The following CREB1 variants were observed in gnomAD, a reference collection of about 807,000 sequenced individuals.
The protein encoded by CREB1 is cyclic AMP-responsive element-binding protein 1.
CREB1 carries 2 observed loss-of-function variants against 42.0 expected under a neutral mutation model. That is an observed-to-expected ratio of 0.05 (90% CI 0.02 to 0.15). CREB1 has a LOEUF of 0.15. Ranked by LOEUF, CREB1 falls within the 10% of genes least tolerant of loss-of-function variation. CREB1 has a pLI of 1.00. For synonymous variants in CREB1, 123 were observed against 139.9 expected, an observed-to-expected ratio of 0.88 and a Z score of 0.85; for missense variants, 199 against 388.9, an observed-to-expected ratio of 0.51 and a Z score of 4.11.
chr2:207,594,958 T>C (rs2085823172), intron 7 of CREB1, among the ~76,000 whole-genome samples: 1 of 151,854 alleles, frequency 6.6e-6, no homozygotes, highest in Non-Finnish European at 1.5e-5. Flanking sequence ...GGTTTTGATT[T>C]GCATTTCCCT....
At chr2:207,566,238 G>C (rs1377986024) in intron 3 of CREB1, among the ~76,000 whole-genome samples, 1 of 152,138 alleles carries the variant, frequency 6.6e-6, no homozygotes, top group East Asian at 1.9e-4. Context: ...TGGGAGAACT[G>C]TTAGGCTCAG....
chr2:207,581,970 G>A, intron 7 of CREB1: 2 of 701,862 alleles, frequency 2.8e-6, no homozygotes, highest in Non-Finnish European at 5.2e-6. Flanking sequence ...GAGATAATAG[G>A]TTTTGGGGAG....
chr2:207,574,255 T>C (rs982848341), intron 5 of CREB1, among the ~76,000 whole-genome samples: 1 of 152,228 alleles, frequency 6.6e-6, no homozygotes, highest in Admixed American at 6.5e-5. Flanking sequence ...ATGTTGACTT[T>C]CCTGCATTGT....
intron 1 of CREB1, among the ~76,000 whole-genome samples, chr2:207,530,865 C>G (rs184608248): frequency 4.0e-4 from 61 of 151,706 alleles, no homozygotes; most frequent in African/African-American, 1.3e-3. Context: ...CTTTCCCCCC[C>G]GCTCCTACAC....
chr2:207,561,308 C>G (rs1461630230), intron 3 of CREB1: 1 of 643,342 alleles, frequency 1.6e-6, no homozygotes, highest in Non-Finnish European at 2.7e-6. Flanking sequence ...CTAGGCCATA[C>G]TTGTTACCTC....
At chr2:207,561,263 A>T in intron 3 of CREB1, 1 of 1,014,356 alleles carries the variant, frequency 9.9e-7, no homozygotes. Context: ...ATGGAATTTC[A>T]ACACTTGAAC....
chr2:207,547,882 T>C (rs575499171), intron 1 of CREB1, among the ~76,000 whole-genome samples: 1 of 152,222 alleles, frequency 6.6e-6, no homozygotes, highest in African/African-American at 2.4e-5. Flanking sequence ...TAGTCACATA[T>C]TCTGAGATGG....
In CREB1 at chr2:207,554,578, G is replaced by T. The variant is rs2081641201; in HGVS notation, c.-8-1050G>T. On this transcript the variant is annotated intron_variant, in intron 1 of 7. Transcript: ENST00000353267. The stretch of plus-strand genomic sequence containing the variant: ...CAGGATTGCTTCCCCAGTTACCAGA[G>T]ATTTCTCTAACCTTGATTTACAGTA... Among the ~76,000 whole-genome samples, 6 of 152,226 alleles carry T rather than the reference G, an allele frequency of 3.9e-5. No homozygotes were observed. In the Middle Eastern group the frequency reaches 0.01, roughly 259 times the overall value.
intron 7 of CREB1, among the ~76,000 whole-genome samples, chr2:207,578,573 T>C (rs1032259838): frequency 1.3e-5 from 2 of 152,140 alleles, no homozygotes; most frequent in Admixed American, 6.5e-5. Flanking sequence ...AGTATTGTTG[T>C]AAGAGTCAAG....
chr2:207,576,130 A>C (rs753934726), intron 6 of CREB1, among the ~76,000 whole-genome samples: 1 of 151,636 alleles, frequency 6.6e-6, no homozygotes, highest in Non-Finnish European at 1.5e-5. Flanking sequence ...TTTTGTTTCA[A>C]ATGAAAACAT....
At position 207,600,238 on chromosome 2, in the gene CREB1, C is replaced by CATAT. The variant is rs71036937; in HGVS notation, c.*3202_*3205dup. The CATAT allele has an allele frequency of 0.031, 4,566 of 145,478 alleles. 93 individuals are homozygous for CATAT. Among genetic ancestry groups the CATAT allele is most frequent in the Middle Eastern group, 0.091 (28 of 308 alleles). The allele number at this position is 145,478 out of a possible 1,614,324, so 9.0% of individuals were successfully genotyped here. On this transcript the variant is annotated 3_prime_UTR_variant, in exon 8 of 8. Coordinates refer to ENST00000353267, the MANE Select transcript of CREB1 (RefSeq NM_004379.5). ...GTGGCATTTGTATAATATATGTGTA[C>CATAT]ATATATATATATATATATATATATA...
rs1421659157 is a variant in CREB1 at position 207,598,537 on chromosome 2, T to C, written c.*1479T>C. On this transcript the variant is annotated 3_prime_UTR_variant, in exon 8 of 8. Coordinates refer to ENST00000353267, the MANE Select transcript of CREB1 (RefSeq NM_004379.5). ...GGATTTTAAAAATTGGAAACTGACATAATGTTAGGTTATAATTTCTCATTT... is the reference window on the plus strand; with the variant it reads ...GGATTTTAAAAATTGGAAACTGACACAATGTTAGGTTATAATTTCTCATTT... The C allele has an allele frequency of 2.3e-5, 4 of 176,514 alleles. No homozygotes were observed. Among genetic ancestry groups the C allele is most frequent in the South Asian group, 2.0e-4 (1 of 4,966 alleles). 10.9% of individuals were successfully genotyped at this position (176,514 alleles called of 1,614,324 possible). A position where few individuals can be genotyped will look rare whatever the true frequency, so the allele number is the denominator to read the frequency against.
intron 3 of CREB1, among the ~76,000 whole-genome samples, chr2:207,565,497 T>C (rs1004034402): frequency 1.3e-5 from 2 of 152,052 alleles, no homozygotes; most frequent in African/African-American, 2.4e-5. Flanking sequence ...CCTTTTTTTT[T>C]TTTTTCATTA....
At chr2:207,574,346 A>G (rs2082489995) in intron 5 of CREB1, among the ~76,000 whole-genome samples, 1 of 152,192 alleles carries the variant, frequency 6.6e-6, no homozygotes, top group Admixed American at 6.5e-5. Context: ...TCTTTCTGAA[A>G]AGCTTGACCC....
At chr2:207,566,627 A>T (rs143032033) in intron 3 of CREB1, among the ~76,000 whole-genome samples, 321 of 152,260 alleles carry the variant, frequency 2.1e-3, no homozygotes, top group Middle Eastern at 0.01. Flanking sequence ...GAGGTTAATG[A>T]CAGTGGCTCC....
In CREB1 at chr2:207,582,148, T is replaced by G. The variant is rs1256480672; in HGVS notation, c.839+4493T>G. 4.3e-6 allele frequency: 3 copies of G among 702,866 alleles called. No homozygotes were observed. In the African/African-American group the frequency reaches 5.2e-5, roughly 12 times the overall value. The allele number at this position is 702,866 out of a possible 1,614,324, so 43.5% of individuals were successfully genotyped here. A position where few individuals can be genotyped will look rare whatever the true frequency, so the allele number is the denominator to read the frequency against. On this transcript the variant is annotated intron_variant, in intron 7 of 7. Transcript: ENST00000353267. ...AGCCCATATTCAAGGGGAGGAGAAT[T>G]AAATTCCACCTCCTAAAAGGGAGAA...
At chr2:207,562,555 A>C (rs1308716254) in intron 3 of CREB1, among the ~76,000 whole-genome samples, 1 of 152,138 alleles carries the variant, frequency 6.6e-6, no homozygotes, top group East Asian at 1.9e-4. Context: ...CTGTACTTCT[A>C]ATTTAAGAGT....
In CREB1 at chr2:207,590,025, A is replaced by G. The variant is rs1156557984; in HGVS notation, c.840-6889A>G. 4.2e-5 allele frequency among the ~76,000 whole-genome samples: 6 copies of G among 143,008 alleles called. No homozygotes were observed. In the Middle Eastern group the frequency reaches 0.016, roughly 375 times the overall value. 93.8% of individuals were successfully genotyped at this position (143,008 alleles called of 152,430 possible). A position where few individuals can be genotyped will look rare whatever the true frequency, so the allele number is the denominator to read the frequency against. On this transcript the variant is annotated intron_variant, in intron 7 of 7. Transcript: ENST00000353267. ...AATATTTGTATTATTTAAGCCTTATATGGTTGGTAGAATTTGCCAGTGAAC... is the reference window on the plus strand; with the variant it reads ...AATATTTGTATTATTTAAGCCTTATGTGGTTGGTAGAATTTGCCAGTGAAC...
intron 7 of CREB1, chr2:207,582,784 T>C (rs1278696590): frequency 1.2e-5 from 3 of 253,110 alleles, no homozygotes; most frequent in African/African-American, 4.7e-5. Flanking sequence ...TCCCAGCTAC[T>C]CAGGCGGCTG....
Sources: allele counts gnomAD v4.1 joint callset (sites outside exome capture counted in the v4.1 genomes callset), GRCh38; gene constraint gnomAD v4.1.1; transcripts MANE v1.5; gene names NCBI Gene and HGNC (gene_info 2026-07-23, HGNC 2026-07-21).